Variants in IL1RAPL2 observed in about 807,000 individuals in gnomAD.
IL1RAPL2 encodes the protein interleukin 1 receptor accessory protein like 2.
A neutral mutation model predicts 44.1 loss-of-function variants in IL1RAPL2; 3 were observed. The observed-to-expected ratio is 0.07, with a 90% CI of 0.03 to 0.18. The LOEUF is 0.18. Ranked by LOEUF, IL1RAPL2 falls within the 10% of genes least tolerant of loss-of-function variation. IL1RAPL2 has a pLI of 1.00. For synonymous variants in IL1RAPL2, 181 were observed against 178.8 expected (o/e 1.01, Z -0.10); for missense variants, 391 against 496.4 (o/e 0.79, Z 2.02).
chrX:104,747,137 T>A (rs1932188132), intron 2 of IL1RAPL2, among the ~76,000 whole-genome samples: 1 of 111,232 alleles, frequency 9.0e-6, no homozygotes, highest in Non-Finnish European at 1.9e-5. Flanking sequence ...TCTCCTTTTC[T>A]GTCATGTTTT....
intron 2 of IL1RAPL2, among the ~76,000 whole-genome samples, chrX:104,890,046 A>G (rs1016593145): frequency 2.3e-4 from 25 of 110,728 alleles, no homozygotes; most frequent in Non-Finnish European, 3.6e-4. Context: ...GAGAACATGC[A>G]GTGTTTGGTT....
chrX:105,089,803 A>G (rs12840315), intron 2 of IL1RAPL2, among the ~76,000 whole-genome samples: 45,547 of 110,797 alleles, frequency 0.41, 8,209 homozygotes, highest in East Asian at 0.74. Context: ...GTCTTGTCTA[A>G]GGTCCCACAG....
chrX:105,422,771 T>C (rs1477333720), intron 5 of IL1RAPL2, among the ~76,000 whole-genome samples: 2 of 111,124 alleles, frequency 1.8e-5, no homozygotes, highest in Non-Finnish European at 3.8e-5. Context: ...CCTGTTCTGC[T>C]TGATATTCAT....
Position 105,312,871 on chromosome X carries a change from G to A in IL1RAPL2, c.697+45330G>A, listed in dbSNP as rs184008753. On this transcript the variant is annotated intron_variant, in intron 5 of 10. Transcript: ENST00000372582. Reference sequence around the variant, plus strand: ...ACTTTATTTGTCAATTTAAAAAAATGAAACACTTTTAAAAAGGCAACTTTG... The same window carrying A: ...ACTTTATTTGTCAATTTAAAAAAATAAAACACTTTTAAAAAGGCAACTTTG... Among the ~76,000 whole-genome samples, 5 of 111,584 alleles carry A rather than the reference G, an allele frequency of 4.5e-5. No homozygotes were observed. In the East Asian group the frequency reaches 1.4e-3, roughly 31 times the overall value.
At chrX:104,941,913 C>G (rs1304549231) in intron 2 of IL1RAPL2, among the ~76,000 whole-genome samples, 4 of 111,851 alleles carry the variant, frequency 3.6e-5, no homozygotes, top group African/African-American at 9.8e-5. Flanking sequence ...CAGCTTTCTA[C>G]ATATGGCTAG....
chrX:105,354,936 A>C (rs889821269), intron 5 of IL1RAPL2, among the ~76,000 whole-genome samples: 2 of 111,415 alleles, frequency 1.8e-5, no homozygotes, highest in African/African-American at 6.5e-5. Context: ...CCTCTACCCA[A>C]TTGCTCAAGC....
chrX:105,268,218 C>CA (rs199542188), intron 5 of IL1RAPL2, among the ~76,000 whole-genome samples: 6,029 of 110,825 alleles, frequency 0.054, 402 homozygotes, highest in African/African-American at 0.19. Context: ...AACTGTATGA[C>CA]AAAAAAATCT....
intron 3 of IL1RAPL2, among the ~76,000 whole-genome samples, chrX:105,230,616 A>C (rs1219665559): frequency 9.1e-6 from 1 of 110,226 alleles, no homozygotes; most frequent in Admixed American, 9.8e-5. Flanking sequence ...TAGATCCTGT[A>C]TTAGGTATTT....
At chrX:105,294,122 C>T (rs1328039265) in intron 5 of IL1RAPL2, among the ~76,000 whole-genome samples, 2 of 112,196 alleles carry the variant, frequency 1.8e-5, no homozygotes, top group African/African-American at 6.5e-5. Context: ...TCCTCAAGAT[C>T]TTCCAGTTTC....
chrX:104,647,959 C>T (rs1469792659), intron 1 of IL1RAPL2: 3 of 823,011 alleles, frequency 3.6e-6, no homozygotes, highest in Non-Finnish European at 5.4e-6. Flanking sequence ...CAGCTAAGGC[C>T]AGGCCAAACT....
intron 5 of IL1RAPL2, among the ~76,000 whole-genome samples, chrX:105,459,739 G>A (rs942857168): frequency 5.4e-5 from 6 of 111,487 alleles, no homozygotes; most frequent in African/African-American, 2.0e-4. Flanking sequence ...GTGAGAATAT[G>A]TTTTCTGTTC....
chrX:105,739,570 T>C (rs2038480390), intron 7 of IL1RAPL2, among the ~76,000 whole-genome samples: 1 of 95,968 alleles, frequency 1.0e-5, no homozygotes, highest in African/African-American at 3.8e-5. Context: ...CATTGTTCAA[T>C]TCCCACCTAT....
intron 2 of IL1RAPL2, among the ~76,000 whole-genome samples, chrX:104,951,033 C>T (rs889575918): frequency 7.1e-5 from 8 of 111,979 alleles, no homozygotes; most frequent in Non-Finnish European, 1.1e-4. Context: ...CGCCCTGCTT[C>T]GGCTCGCTCA....
intron 2 of IL1RAPL2, among the ~76,000 whole-genome samples, chrX:104,884,105 A>G (rs998111322): frequency 9.1e-6 from 1 of 110,185 alleles, no homozygotes; most frequent in Non-Finnish European, 1.9e-5. Flanking sequence ...GTCTAGGAGG[A>G]CAGGCAAGGG....
At chrX:105,484,256 T>C (rs1448353149) in intron 5 of IL1RAPL2, 57 bp from the exon 6 acceptor site, 2 of 853,123 alleles carry the variant, frequency 2.3e-6, no homozygotes, top group African/African-American at 2.0e-5. Context: ...ATAGAATCTT[T>C]CTCATCCTGT....
rs72209171 is a variant in IL1RAPL2, at chrX:105,314,285, G to GA, written c.697+46755dup. On this transcript the variant is annotated intron_variant, in intron 5 of 10. Coordinates refer to ENST00000372582, the MANE Select transcript of IL1RAPL2 (RefSeq NM_017416.2). ...ACCTACAATTTGTTCCCATTTGCTT[G>GA]AAAAAAAAAAATCACTAATATTGGT... 1.4e-3 allele frequency among the ~76,000 whole-genome samples: 146 copies of GA among 104,561 alleles called. 1 individual carries two copies. Among genetic ancestry groups the GA allele is most frequent in the Middle Eastern group, 4.9e-3 (1 of 205 alleles). The allele number at this position is 104,561 out of a possible 115,157, so 90.8% of individuals were successfully genotyped here. A position where few individuals can be genotyped will look rare whatever the true frequency, so the allele number is the denominator to read the frequency against.
intron 2 of IL1RAPL2, among the ~76,000 whole-genome samples, chrX:105,030,841 C>T (rs866519929): frequency 8.9e-6 from 1 of 111,769 alleles, no homozygotes; most frequent in South Asian, 3.7e-4. Context: ...GGCAGTATGG[C>T]AATTTTCACG....
At chrX:105,059,524 C>CT (rs2032044025) in intron 2 of IL1RAPL2, among the ~76,000 whole-genome samples, 1 of 111,830 alleles carries the variant, frequency 8.9e-6, no homozygotes, top group East Asian at 2.8e-4. Flanking sequence ...ATTTTCTTTT[C>CT]TTTCTTTTTT....
chrX:105,514,439 A>C (rs758770126), intron 6 of IL1RAPL2, among the ~76,000 whole-genome samples: 2 of 112,431 alleles, frequency 1.8e-5, no homozygotes, highest in South Asian at 7.3e-4. Flanking sequence ...GGCAGGAGGA[A>C]TGCCTGTTAG....
Sources: gnomAD v4.1 joint callset for allele counts (sites outside exome capture counted in the v4.1 genomes callset) on GRCh38, gnomAD v4.1.1 for gene constraint, MANE v1.5 for transcripts, NCBI Gene and HGNC (gene_info 2026-07-23, HGNC 2026-07-21) for gene names.